The following SLC9A2 variants were observed in gnomAD, a reference collection of about 807,000 sequenced individuals.
SLC9A2 encodes solute carrier family 9 member A2.
In SLC9A2, 42 loss-of-function variants were observed where a neutral mutation model predicts 71.7. The observed-to-expected ratio is 0.59, with a 90% CI of 0.46 to 0.76. The LOEUF (loss-of-function observed/expected upper bound fraction) is 0.76. Ranked by LOEUF, SLC9A2 falls within the 30% of genes least tolerant of loss-of-function variation. SLC9A2 has a pLI of 0.00. For missense variants in SLC9A2, 829 were observed against 1,017.4 expected (o/e 0.81, Z 2.52); for synonymous variants, 396 against 392.5 (o/e 1.01, Z -0.10).
chr2:102,666,106 T>G (rs1482434192), intron 3 of SLC9A2, among the ~76,000 whole-genome samples: 1 of 150,092 alleles, frequency 6.7e-6, no homozygotes, highest in African/African-American at 2.4e-5. Flanking sequence ...AGAAATATTT[T>G]GAATGGTAGA....
chr2:102,694,560 T>C, intron 6 of SLC9A2, 57 bp downstream of exon 6: 1 of 828,080 alleles, frequency 1.2e-6, no homozygotes, highest in Non-Finnish European at 1.9e-6. Flanking sequence ...TTTGAATCAG[T>C]CAAACAGCTT....
intron 1 of SLC9A2, among the ~76,000 whole-genome samples, chr2:102,625,524 A>G (rs1050266008): frequency 2.8e-5 from 4 of 140,758 alleles, no homozygotes; most frequent in African/African-American, 1.1e-4. Flanking sequence ...CCTGTTTCCA[A>G]GTGTTCTCAT....
chr2:102,674,030 C>G (rs1573420534), intron 3 of SLC9A2, among the ~76,000 whole-genome samples: 1 of 152,160 alleles, frequency 6.6e-6, no homozygotes, highest in Admixed American at 6.5e-5. Context: ...CTTGGGTGAT[C>G]CACCTGCCCT....
At chr2:102,640,677 C>T (rs1426011944) in intron 1 of SLC9A2, among the ~76,000 whole-genome samples, 1 of 152,140 alleles carries the variant, frequency 6.6e-6, no homozygotes, top group Admixed American at 6.5e-5. Context: ...CAAAGAAGCT[C>T]CCAACCTCAT....
chr2:102,707,475 T>C (rs1220345448), intron 11 of SLC9A2, among the ~76,000 whole-genome samples: 1 of 152,068 alleles, frequency 6.6e-6, no homozygotes, highest in Non-Finnish European at 1.5e-5. Context: ...TTCCCAAGAA[T>C]CTCAACTCCT....
At chr2:102,695,408 A>T (rs1002929781) in intron 7 of SLC9A2, among the ~76,000 whole-genome samples, 1 of 152,142 alleles carries the variant, frequency 6.6e-6, no homozygotes, top group Non-Finnish European at 1.5e-5. Context: ...CGATCCACTA[A>T]GAGTAGCCTT....
At chr2:102,634,864 C>A (rs995368912) in intron 1 of SLC9A2, among the ~76,000 whole-genome samples, 1 of 152,066 alleles carries the variant, frequency 6.6e-6, no homozygotes, top group Non-Finnish European at 1.5e-5. Flanking sequence ...CTGCAGGGTT[C>A]ACAGTCAGCT....
At chr2:102,671,260 T>C (rs1000924118) in intron 3 of SLC9A2, among the ~76,000 whole-genome samples, 3 of 149,516 alleles carry the variant, frequency 2.0e-5, no homozygotes, top group Non-Finnish European at 4.4e-5. Flanking sequence ...AAATAATAGT[T>C]TTACTTTTAA....
In SLC9A2 at chr2:102,711,122, G is replaced by C. The variant is rs1241711926; in HGVS notation, c.*2633G>C. On this transcript the variant is annotated 3_prime_UTR_variant, in exon 12 of 12. Coordinates refer to ENST00000233969, the MANE Select transcript of SLC9A2 (RefSeq NM_003048.6). ...TATGGTGGGGTGTACTGTTTTATCT[G>C]GGCGGTGAGGGTATTGATTTACATA... is the stretch of plus-strand genomic sequence containing the variant. The C allele has an allele frequency of 6.6e-6, 1 of 152,258 alleles. No individual in the cohort carries two copies. Among genetic ancestry groups the C allele is most frequent in the African/African-American group, 2.4e-5 (1 of 41,430 alleles). The allele number at this position is 152,258 out of a possible 1,614,324, so 9.4% of individuals were successfully genotyped here.
intron 1 of SLC9A2, among the ~76,000 whole-genome samples, chr2:102,655,867 A>C (rs1676929581): frequency 6.6e-6 from 1 of 152,202 alleles, no homozygotes; most frequent in South Asian, 2.1e-4. Flanking sequence ...TTTCAGCCTC[A>C]CATGGCAGAA....
chr2:102,699,497 G>A (rs562345624), intron 7 of SLC9A2, among the ~76,000 whole-genome samples: 43 of 152,190 alleles, frequency 2.8e-4, no homozygotes, highest in South Asian at 6.2e-4. Context: ...ATGCAATGGT[G>A]GAAGCAGGAA....
chr2:102,685,271 T>C (rs566411870), intron 5 of SLC9A2, among the ~76,000 whole-genome samples: 5 of 151,726 alleles, frequency 3.3e-5, no homozygotes, highest in Non-Finnish European at 2.9e-5. Context: ...TGGCACAGAG[T>C]GTGGTGTGGA....
intron 1 of SLC9A2, among the ~76,000 whole-genome samples, chr2:102,625,245 T>C (rs1676223956): frequency 2.0e-5 from 3 of 152,184 alleles, no homozygotes. Flanking sequence ...TAAAAACCAA[T>C]TTGGGTGTCT....
chr2:102,709,815 T>A lies in SLC9A2; in HGVS notation c.*1326T>A, dbSNP rs1021771045. On this transcript the variant is annotated 3_prime_UTR_variant, in exon 12 of 12. Transcript: ENST00000233969. ...TATTGGCCTGTTTTTTTTTTCTAAATAATTCTTTAAAACTTGACTGGAACA... is the reference window on the plus strand; with the variant it reads ...TATTGGCCTGTTTTTTTTTTCTAAAAAATTCTTTAAAACTTGACTGGAACA... 7 of 152,424 alleles carry A rather than the reference T, an allele frequency of 4.6e-5. No individual in the cohort carries two copies. Among genetic ancestry groups the A allele is most frequent in the African/African-American group, 1.7e-4 (7 of 41,404 alleles). The allele number at this position is 152,424 out of a possible 1,614,324, so 9.4% of individuals were successfully genotyped here.
At chr2:102,630,481 GT>G (rs545328863) in intron 1 of SLC9A2, among the ~76,000 whole-genome samples, 1 of 151,856 alleles carries the variant, frequency 6.6e-6, no homozygotes, top group Non-Finnish European at 1.5e-5. Flanking sequence ...TTTTATTTAA[GT>G]TTTTTAAATT....
intron 6 of SLC9A2, among the ~76,000 whole-genome samples, chr2:102,694,750 C>A (rs1163703559): frequency 6.6e-6 from 1 of 152,120 alleles, no homozygotes; most frequent in African/African-American, 2.4e-5. Flanking sequence ...TTCTTACTTC[C>A]TTTAGCCTGG....
chr2:102,668,909 C>T (rs1243946809), intron 3 of SLC9A2, among the ~76,000 whole-genome samples: 4 of 152,138 alleles, frequency 2.6e-5, no homozygotes, highest in African/African-American at 4.8e-5. Context: ...CTGTTCTAGA[C>T]GGATGTCACT....
At chr2:102,685,597 A>C (rs532739314) in intron 5 of SLC9A2, among the ~76,000 whole-genome samples, 8 of 152,266 alleles carry the variant, frequency 5.3e-5, no homozygotes, top group Non-Finnish European at 1.2e-4. Context: ...GGAGCAACCT[A>C]TGGGATTCCC....
intron 1 of SLC9A2, among the ~76,000 whole-genome samples, chr2:102,638,060 A>G (rs2104505883): frequency 6.6e-6 from 1 of 152,332 alleles, no homozygotes; most frequent in East Asian, 1.9e-4. Flanking sequence ...ACTTGGACAG[A>G]AGAATTTACA....
Sources: allele counts gnomAD v4.1 joint callset (sites outside exome capture counted in the v4.1 genomes callset), GRCh38; gene constraint gnomAD v4.1.1; transcripts MANE v1.5; gene names NCBI Gene and HGNC (gene_info 2026-07-23, HGNC 2026-07-21).